Variants in GALNT18 observed in about 807,000 individuals in gnomAD.
The protein encoded by GALNT18 is GalNAc-transferase 18.
GALNT18 carries 44 observed loss-of-function variants against 69.5 expected under a neutral mutation model. That is an observed-to-expected ratio of 0.63 (90% CI 0.50 to 0.81). The LOEUF is 0.81. GALNT18 is among the 40% of genes least tolerant of loss of function. The pLI is 0.00. For missense variants in GALNT18, 715 were observed against 810.0 expected, an observed-to-expected ratio of 0.88 and a Z score of 1.42; for synonymous variants, 364 against 318.2, an observed-to-expected ratio of 1.14 and a Z score of -1.53.
intron 1 of GALNT18, among the ~76,000 whole-genome samples, chr11:11,456,743 G>A (rs557691394): frequency 1.4e-4 from 21 of 152,302 alleles, no homozygotes; most frequent in African/African-American, 5.1e-4. Context: ...ACTCACTCAG[G>A]TCATTTGCTT....
rs1486258396 is a variant in GALNT18 at position 11,273,829 on chromosome 11, T to G, written c.1678-2539A>C. Among the ~76,000 whole-genome samples, 30 of 152,192 alleles carry G rather than the reference T, an allele frequency of 2.0e-4. 1 individual carries two copies. Among genetic ancestry groups the G allele is most frequent in the Non-Finnish European group, 1.2e-4 (8 of 68,034 alleles). On this transcript the variant is annotated intron_variant, in intron 10 of 10. Transcript: ENST00000227756. ...AATAGGTTAATGAATAAGGAATATG[T>G]GGTATATACACAGGATGGAATAATA...
chr11:11,495,964 C>T (rs1856859303), intron 1 of GALNT18, among the ~76,000 whole-genome samples: 1 of 152,206 alleles, frequency 6.6e-6, no homozygotes, highest in African/African-American at 2.4e-5. Context: ...AAGAGTATTA[C>T]ATCCATTCTT....
intron 9 of GALNT18, among the ~76,000 whole-genome samples, chr11:11,295,318 T>C (rs1849379073): frequency 1.3e-5 from 2 of 152,072 alleles, no homozygotes; most frequent in South Asian, 4.2e-4. Flanking sequence ...AAGGCACCAT[T>C]TTCAAAGGTG....
chr11:11,440,986 C>G (rs1855521509), intron 2 of GALNT18, among the ~76,000 whole-genome samples: 1 of 152,194 alleles, frequency 6.6e-6, no homozygotes, highest in Admixed American at 6.5e-5. Context: ...TTAACTACTA[C>G]TCTATAATCT....
intron 6 of GALNT18, among the ~76,000 whole-genome samples, chr11:11,365,354 C>A (rs1223741531): frequency 1.3e-5 from 2 of 152,178 alleles, no homozygotes; most frequent in Non-Finnish European, 2.9e-5. Context: ...GCATAGTATT[C>A]CATGGTGTAT....
chr11:11,388,690 G>A (rs1156268497), intron 3 of GALNT18, among the ~76,000 whole-genome samples: 3 of 151,966 alleles, frequency 2.0e-5, no homozygotes, highest in African/African-American at 7.3e-5. Flanking sequence ...CTGGTCTAAC[G>A]CCCAGGGCTG....
rs1854087380 is a variant in GALNT18, at chr11:11,387,615, T to G, written c.596-8351A>C. Among the ~76,000 whole-genome samples the G allele has an allele frequency of 6.6e-6, 1 of 152,252 alleles. No individual in the cohort carries two copies. The highest frequency in any genetic ancestry group is 2.4e-5 in the African/African-American group (1 of 41,470). On this transcript the variant is annotated intron_variant, in intron 3 of 10. Coordinates refer to ENST00000227756, the MANE Select transcript of GALNT18 (RefSeq NM_198516.3). The surrounding 1 kb of genome is among the most constrained non-coding windows in gnomAD (Gnocchi z 4.6). Reference sequence around the variant, plus strand: ...TTTCTCTGAAGCCATTTAGGGCCATTGAAACACAAATGCTATGTCAACACA... The same window carrying G: ...TTTCTCTGAAGCCATTTAGGGCCATGGAAACACAAATGCTATGTCAACACA...
chr11:11,441,741 G>A (rs1006122404), intron 2 of GALNT18, among the ~76,000 whole-genome samples: 2 of 152,198 alleles, frequency 1.3e-5, no homozygotes, highest in African/African-American at 4.8e-5. Context: ...CTCTGGGATG[G>A]TCCAGCAGTC....
At chr11:11,574,422 T>G (rs1171431616) in intron 1 of GALNT18, among the ~76,000 whole-genome samples, 1 of 152,228 alleles carries the variant, frequency 6.6e-6, no homozygotes, top group African/African-American at 2.4e-5. Flanking sequence ...CTTAAAGGTC[T>G]GATTTTGATA....
In GALNT18 at chr11:11,372,764, G is replaced by A; in HGVS notation, c.978-135C>T. On this transcript the variant is annotated intron_variant, in intron 5 of 10. Transcript: ENST00000227756. This position sits in a 1 kb window ranked among gnomAD's most constrained non-coding sequence, Gnocchi z 4.9. The stretch of plus-strand genomic sequence containing the variant: ...CAGAGCCAGTGTGAGCCTTGTTCTT[G>A]GAGTGGCCCCTGGGTCTGGCCTCAC... The A allele has an allele frequency of 1.4e-6, 1 of 731,140 alleles. No individual in the cohort carries two copies. The highest frequency in any genetic ancestry group is 2.3e-6 in the Non-Finnish European group (1 of 429,790). The allele number at this position is 731,140 out of a possible 1,614,324, so 45.3% of individuals were successfully genotyped here.
chr11:11,582,160 G>A lies in GALNT18; in HGVS notation c.235+39199C>T, dbSNP rs1843145209. ...GGGGAAGAGGGCTGAACAAAGTGAAGAGGGCATTCCCGAAAGAGGAAAGAG... is the reference window on the plus strand; with the variant it reads ...GGGGAAGAGGGCTGAACAAAGTGAAAAGGGCATTCCCGAAAGAGGAAAGAG... On this transcript the variant is annotated intron_variant, in intron 1 of 10. Coordinates refer to ENST00000227756, the MANE Select transcript of GALNT18 (RefSeq NM_198516.3). The surrounding 1 kb of genome is among the most constrained non-coding windows in gnomAD (Gnocchi z 5.0). Among the ~76,000 whole-genome samples the A allele has an allele frequency of 6.6e-6, 1 of 152,156 alleles. No homozygotes were observed. The highest frequency in any genetic ancestry group is 2.4e-5 in the African/African-American group (1 of 41,430).
intron 10 of GALNT18, among the ~76,000 whole-genome samples, chr11:11,283,100 G>C (rs1849118146): frequency 1.3e-5 from 2 of 152,062 alleles, no homozygotes; most frequent in African/African-American, 4.8e-5. Context: ...GAGGAGATGA[G>C]GTCCAAGAGG....
At chr11:11,513,713 G>A (rs76978349) in intron 1 of GALNT18, among the ~76,000 whole-genome samples, 20,111 of 152,184 alleles carry the variant, frequency 0.13, 1,734 homozygotes, top group Middle Eastern at 0.18. Flanking sequence ...TTCCCGGGAC[G>A]TTTACATAGG....
intron 1 of GALNT18, among the ~76,000 whole-genome samples, chr11:11,567,159 G>T (rs1350298883): frequency 6.6e-6 from 1 of 152,160 alleles, no homozygotes; most frequent in Non-Finnish European, 1.5e-5. Flanking sequence ...AGTGGCATTT[G>T]TCTGATCAAA....
chr11:11,450,453 G>A (rs1855769308), intron 1 of GALNT18, among the ~76,000 whole-genome samples: 1 of 152,182 alleles, frequency 6.6e-6, no homozygotes, highest in African/African-American at 2.4e-5. Flanking sequence ...ACCATGGAAG[G>A]GGTGCTCCAG....
intron 1 of GALNT18, among the ~76,000 whole-genome samples, chr11:11,537,255 C>A (rs2133949822): frequency 6.6e-6 from 1 of 152,276 alleles, no homozygotes; most frequent in East Asian, 1.9e-4. Context: ...GCATTTTTAA[C>A]CACTGTGCTA....
Position 11,562,443 on chromosome 11 carries a change from G to T in GALNT18, c.235+58916C>A, listed in dbSNP as rs971096473. On this transcript the variant is annotated intron_variant, in intron 1 of 10. Coordinates refer to ENST00000227756, the MANE Select transcript of GALNT18 (RefSeq NM_198516.3). The surrounding 1 kb of genome is among the most constrained non-coding windows in gnomAD (Gnocchi z 4.1). ...TCTCCAAATAAGGTTACATTCTGAG[G>T]TATTAGGGGTGAGGACTCCAAAATA... Among the ~76,000 whole-genome samples the T allele has an allele frequency of 4.6e-5, 7 of 152,094 alleles. No homozygotes were observed. Among genetic ancestry groups the T allele is most frequent in the African/African-American group, 1.7e-4 (7 of 41,398 alleles).
intron 1 of GALNT18, among the ~76,000 whole-genome samples, chr11:11,566,405 C>G (rs1022415124): frequency 6.6e-6 from 1 of 152,190 alleles, no homozygotes; most frequent in Non-Finnish European, 1.5e-5. Context: ...ATCCTTGGGA[C>G]CAGCAGGCAA....
At position 11,421,893 on chromosome 11, in the gene GALNT18, T is replaced by C. The variant is rs1855014717; in HGVS notation, c.595+10728A>G. On this transcript the variant is annotated intron_variant, in intron 3 of 10. Coordinates refer to ENST00000227756, the MANE Select transcript of GALNT18 (RefSeq NM_198516.3). This position sits in a 1 kb window ranked among gnomAD's most constrained non-coding sequence, Gnocchi z 5.6. ...ACACCAGGATGCATAATTTAGCAAATAGACAGCACAGACTTTATTTTAGCC... is the reference window on the plus strand; with the variant it reads ...ACACCAGGATGCATAATTTAGCAAACAGACAGCACAGACTTTATTTTAGCC... Among the ~76,000 whole-genome samples the C allele has an allele frequency of 6.6e-6, 1 of 152,122 alleles. No individual in the cohort carries two copies. Among genetic ancestry groups the C allele is most frequent in the Non-Finnish European group, 1.5e-5 (1 of 68,026 alleles).
Sources: allele counts gnomAD v4.1 joint callset (sites outside exome capture counted in the v4.1 genomes callset), GRCh38; gene constraint gnomAD v4.1.1; non-coding constraint Gnocchi (gnomAD v3.1); transcripts MANE v1.5; gene names NCBI Gene and HGNC (gene_info 2026-07-23, HGNC 2026-07-21).